The following CEP44 variants were observed in gnomAD, a reference collection of about 807,000 sequenced individuals.
CEP44 encodes the protein centrosomal protein of 44 kDa.
CEP44 carries 45 observed loss-of-function variants against 46.7 expected under a neutral mutation model. That is an observed-to-expected ratio of 0.96 (90% CI 0.76 to 1.24). CEP44 has a LOEUF of 1.24. CEP44 is among the 50% of genes most tolerant of loss of function. The pLI, the probability that CEP44 is intolerant of heterozygous loss-of-function variation, is 0.00. For synonymous variants in CEP44, 142 were observed against 146.0 expected, an observed-to-expected ratio of 0.97 and a Z score of 0.20; for missense variants, 475 against 459.7, an observed-to-expected ratio of 1.03 and a Z score of -0.30.
rs951621081 is a variant in CEP44, at chr4:174,329,926, T to C, written c.1087-1556T>C. On this transcript the variant is annotated intron_variant, in intron 8 of 8. Transcript: ENST00000426172. The surrounding 1 kb of genome is among the most constrained non-coding windows in gnomAD (Gnocchi z 4.0). ...AAAATATTTTAGATAGGAATACTTA[T>C]TATAGTTTCAACTTTCATACTTCGT... 4.5e-4 allele frequency among the ~76,000 whole-genome samples: 69 copies of C among 152,278 alleles called. No homozygotes were observed. The highest frequency in any genetic ancestry group is 1.4e-3 in the African/African-American group (59 of 41,564).
chr4:174,321,786 T>C (rs1742336311), downstream of CEP44, among the ~76,000 whole-genome samples: 3 of 152,254 alleles, frequency 2.0e-5, no homozygotes, highest in East Asian at 5.8e-4. Flanking sequence ...GGAAATCTCA[T>C]TTGAGTAGTA....
intron 1 of CEP44, among the ~76,000 whole-genome samples, chr4:174,295,074 G>C (rs1738786939): frequency 6.6e-6 from 1 of 150,594 alleles, no homozygotes; most frequent in Admixed American, 6.6e-5. Context: ...TGGCCGGGCG[G>C]GGGGCTGATC....
chr4:174,285,599 C>A (rs918153312), intron 1 of CEP44: 2 of 151,968 alleles, frequency 1.3e-5, no homozygotes, highest in Non-Finnish European at 2.9e-5. Flanking sequence ...TAAAGTGTTA[C>A]GTAAAACAGA....
chr4:174,331,530 C>T lies in CEP44; in HGVS notation c.1135C>T (p.Leu379=), dbSNP rs1438738795. 4 of 1,551,616 alleles carry T rather than the reference C, an allele frequency of 2.6e-6. No individual in the cohort carries two copies. In the East Asian group the frequency reaches 9.8e-5, roughly 38 times the overall value. ...ATCCTCTTGTTCCAGTCTCAGCTGG[C>T]TGCTCCGTGGGCATACTTCATACCT... Residue 379 remains leucine (L), a synonymous_variant, in exon 9 of 9, where the codon CTG becomes TTG. Transcript: ENST00000426172. This position sits in a 1 kb window ranked among gnomAD's most constrained non-coding sequence, Gnocchi z 4.5.
Position 174,329,786 on chromosome 4 carries a change from G to T in CEP44, c.1087-1696G>T, listed in dbSNP as rs2126706569. 6.6e-6 allele frequency among the ~76,000 whole-genome samples: 1 copy of T among 152,068 alleles called. No homozygotes were observed. Among genetic ancestry groups the T allele is most frequent in the East Asian group, 1.9e-4 (1 of 5,158 alleles). ...TCAGGCTATCATCATTCTTTCTCAA[G>T]ATAGATTTATGGTAAAAATAGACTA... On this transcript the variant is annotated intron_variant, in intron 8 of 8. Transcript: ENST00000426172. The surrounding 1 kb of genome is among the most constrained non-coding windows in gnomAD (Gnocchi z 4.0).
upstream of CEP44, chr4:174,283,837 G>T (rs759535062): frequency 9.0e-5 from 36 of 398,700 alleles, no homozygotes; most frequent in Non-Finnish European, 1.5e-4. This position sits in a 1 kb window ranked among gnomAD's most constrained non-coding sequence, Gnocchi z 6.7. Context: ...CCATTGAGGA[G>T]GCTCTCAGCG....
chr4:174,294,837 G>T, intron 1 of CEP44, among the ~76,000 whole-genome samples: 1 of 138,858 alleles, frequency 7.2e-6, no homozygotes, highest in South Asian at 2.4e-4. Flanking sequence ...GGACGGGACG[G>T]CTGGCCGGGC....
rs1742054942 is a variant in CEP44, at chr4:174,319,135, G to A, written c.*1752G>A. 1 of 984,612 alleles carries A rather than the reference G, an allele frequency of 1.0e-6. No homozygotes were observed. 61.0% of individuals were successfully genotyped at this position (984,612 alleles called of 1,614,324 possible). A position where few individuals can be genotyped will look rare whatever the true frequency, so the allele number is the denominator to read the frequency against. On this transcript the variant is annotated 3_prime_UTR_variant, in exon 12 of 12. Coordinates refer to ENST00000503780, the MANE Select transcript of CEP44 (RefSeq NM_001040157.3). ...ATTTTTAGTATTCTAATAAACAGTT[G>A]GTCATCAGAACTTTAAAATGGTAGC... is the stretch of plus-strand genomic sequence containing the variant.
chr4:174,320,802 A>C (rs1742263532), downstream of CEP44, among the ~76,000 whole-genome samples: 1 of 151,998 alleles, frequency 6.6e-6, no homozygotes. Flanking sequence ...TGATAACCAG[A>C]TCTGAGTTTT....
intron 9 of CEP44, 107 bp from the exon 10 acceptor site, chr4:174,316,059 A>G (rs1392954189): frequency 7.3e-7 from 1 of 1,367,736 alleles, no homozygotes; most frequent in Non-Finnish European, 1.0e-6. Context: ...GCGGATAGCC[A>G]TTTTTAATTA....
At chr4:174,304,934 T>G (rs1252134088) in intron 6 of CEP44, among the ~76,000 whole-genome samples, 1 of 152,230 alleles carries the variant, frequency 6.6e-6, no homozygotes, top group Admixed American at 6.5e-5. Flanking sequence ...AGAGCTACAG[T>G]GTTTCTATCA....
At position 174,297,099 on chromosome 4, in the gene CEP44, A is replaced by G. The variant is rs1739122546; in HGVS notation, c.-147-867A>G. ...CCTATCCATTTACTTTTAATCTTAT[A>G]AACAAAATGGATTTCTTATAGACAA... is the stretch of plus-strand genomic sequence containing the variant. On this transcript the variant is annotated intron_variant, in intron 1 of 11. Coordinates refer to ENST00000503780, the MANE Select transcript of CEP44 (RefSeq NM_001040157.3). This position sits in a 1 kb window ranked among gnomAD's most constrained non-coding sequence, Gnocchi z 4.3. Among the ~76,000 whole-genome samples, 1 of 152,056 alleles carries G rather than the reference A, an allele frequency of 6.6e-6. No individual in the cohort carries two copies. The highest frequency in any genetic ancestry group is 6.5e-5 in the Admixed American group (1 of 15,268).
intron 1 of CEP44, 173 bp downstream of exon 1, chr4:174,284,116 C>T (rs754178767): frequency 1.5e-5 from 6 of 399,004 alleles, no homozygotes; most frequent in Non-Finnish European, 2.6e-5. Flanking sequence ...CCTTTGAAAC[C>T]GGCTTCTTTG....
At chr4:174,299,975 A>T (rs1739523999) in intron 3 of CEP44, among the ~76,000 whole-genome samples, 1 of 152,200 alleles carries the variant, frequency 6.6e-6, no homozygotes, top group Non-Finnish European at 1.5e-5. Flanking sequence ...CTAGAATGTA[A>T]GCTGAAGTCT....
In CEP44 at chr4:174,326,909, CT is replaced by C. The variant is rs1742705660; in HGVS notation, c.1087-4570del. The stretch of plus-strand genomic sequence containing the variant: ...TCTTTATGGAATCTGTCTTTTTTTA[CT>C]TTGTCTGCTTTGCTACATTTGAGAT... On this transcript the variant is annotated intron_variant, in intron 8 of 8. Transcript: ENST00000426172. This position sits in a 1 kb window ranked among gnomAD's most constrained non-coding sequence, Gnocchi z 4.8. Among the ~76,000 whole-genome samples the C allele has an allele frequency of 6.6e-6, 1 of 151,472 alleles. No individual in the cohort carries two copies. Among genetic ancestry groups the C allele is most frequent in the African/African-American group, 2.4e-5 (1 of 41,288 alleles).
intron 7 of CEP44, 73 bp downstream of exon 7, chr4:174,308,932 A>G: frequency 7.7e-7 from 1 of 1,292,966 alleles, no homozygotes; most frequent in South Asian, 1.3e-5. Flanking sequence ...TCAGCCTCTA[A>G]ACTTTGGAAT....
intron 3 of CEP44, among the ~76,000 whole-genome samples, chr4:174,300,890 T>C (rs1241532253): frequency 4.6e-5 from 7 of 152,178 alleles, no homozygotes. Flanking sequence ...GTTAAATGTG[T>C]GCCTGGCTAT....
At chr4:174,316,971 G>A (rs1414845213) in intron 11 of CEP44, among the ~76,000 whole-genome samples, 2 of 151,760 alleles carry the variant, frequency 1.3e-5, no homozygotes, top group African/African-American at 4.8e-5. Context: ...GCAAGTTATT[G>A]ATGAGATACT....
Position 174,309,749 on chromosome 4 carries a change from T to TCTCTTAACTCTCAAGCAGGACAGTCC in CEP44, c.679-98_679-97insTTAACTCTCAAGCAGGACAGTCCCTC. ...CTCTTAACTCTCAAGCAGGACGGTCTCTCCTAACTGTTGAGATAACGCTGT... is the reference window on the plus strand; with the variant it reads ...CTCTTAACTCTCAAGCAGGACGGTCTCTCTTAACTCTCAAGCAGGACAGTCCCTCCTAACTGTTGAGATAACGCTGT... On this transcript the variant is annotated intron_variant, in intron 7 of 11. Transcript: ENST00000503780. This position sits in a 1 kb window ranked among gnomAD's most constrained non-coding sequence, Gnocchi z 5.3. 1 of 791,728 alleles carries TCTCTTAACTCTCAAGCAGGACAGTCC rather than the reference T, an allele frequency of 1.3e-6. No individual in the cohort carries two copies. The highest frequency in any genetic ancestry group is 1.7e-5 in the African/African-American group (1 of 57,198). 49.0% of individuals were successfully genotyped at this position (791,728 alleles called of 1,614,324 possible).
Sources: gnomAD v4.1 joint callset for allele counts (sites outside exome capture counted in the v4.1 genomes callset) on GRCh38, gnomAD v4.1.1 for gene constraint, Gnocchi (gnomAD v3.1) non-coding constraint, MANE v1.5 for transcripts, NCBI Gene and HGNC (gene_info 2026-07-23, HGNC 2026-07-21) for gene names.